The following PLOD2 variants were observed in gnomAD, a reference collection of about 807,000 sequenced individuals.
PLOD2 encodes lysine hydroxylase 2.
In PLOD2, 65 loss-of-function variants were observed where a neutral mutation model predicts 101.0. The observed-to-expected ratio is 0.64, with a 90% CI of 0.53 to 0.79. The LOEUF is 0.79. Among genes scored for constraint, PLOD2 ranks in the 30% least tolerant of loss-of-function variants. The probability of loss-of-function intolerance (pLI) is 0.00; values close to 1 mark genes in which losing one functional copy is unlikely to be tolerated. For synonymous variants in PLOD2, 314 were observed against 302.9 expected, an observed-to-expected ratio of 1.04 and a Z score of -0.38; for missense variants, 909 against 914.6, an observed-to-expected ratio of 0.99 and a Z score of 0.08.
chr3:146,101,866 G>A (rs1325517637), intron 7 of PLOD2, among the ~76,000 whole-genome samples: 1 of 152,200 alleles, frequency 6.6e-6, no homozygotes, highest in Non-Finnish European at 1.5e-5. Flanking sequence ...TTGCTTTGTA[G>A]GAAGGCTGGA....
At chr3:146,094,180 G>A (rs1937069929) in intron 7 of PLOD2, among the ~76,000 whole-genome samples, 1 of 152,160 alleles carries the variant, frequency 6.6e-6, no homozygotes, top group Admixed American at 6.5e-5. Context: ...TTCCAAGTAT[G>A]ATGTCATTTT....
At chr3:146,089,619 C>T (rs139243140) in intron 8 of PLOD2, among the ~76,000 whole-genome samples, 1,533 of 151,634 alleles carry the variant, frequency 0.01, 25 homozygotes, top group African/African-American at 0.035. Context: ...TTTTCATACA[C>T]GGTACCTCAC....
rs1392441255 is a variant in PLOD2 at position 146,069,768 on chromosome 3, A to C, written c.*949T>G. ...AGCGAGACAAAGGGCAAAACGGAAGAAGCAAGGCTCAACAACTTTGTTTTC... is the reference window on the plus strand; with the variant it reads ...AGCGAGACAAAGGGCAAAACGGAAGCAGCAAGGCTCAACAACTTTGTTTTC... On this transcript the variant is annotated 3_prime_UTR_variant, in exon 20 of 20. Transcript: ENST00000282903. 2 of 152,314 alleles carry C rather than the reference A, an allele frequency of 1.3e-5. No individual in the cohort carries two copies. The highest frequency in any genetic ancestry group is 2.1e-4 in the South Asian group (1 of 4,828). 9.4% of individuals were successfully genotyped at this position (152,314 alleles called of 1,614,324 possible). A position where few individuals can be genotyped will look rare whatever the true frequency, so the allele number is the denominator to read the frequency against.
intron 1 of PLOD2, among the ~76,000 whole-genome samples, chr3:146,136,768 A>G (rs1047311212): frequency 8.5e-5 from 13 of 152,192 alleles, no homozygotes; most frequent in Non-Finnish European, 2.9e-5. Context: ...AACATTCCTT[A>G]CAGGTTTGTA....
chr3:146,078,276 C>A lies in PLOD2; in HGVS notation c.1501-352G>T, dbSNP rs185355767. Among the ~76,000 whole-genome samples the A allele has an allele frequency of 1.4e-3, 208 of 151,868 alleles. 1 individual carries two copies. The highest frequency in any genetic ancestry group is 4.2e-3 in the African/African-American group (176 of 41,482). ...ATTAGCCAAACATGAGCACAAAATA[C>A]TATCACAAGTACTGAGGATATTCAA... On this transcript the variant is annotated intron_variant, in intron 13 of 19. Coordinates refer to ENST00000282903, the MANE Select transcript of PLOD2 (RefSeq NM_182943.3).
intron 3 of PLOD2, among the ~76,000 whole-genome samples, chr3:146,112,508 G>A (rs1208880303): frequency 3.3e-5 from 5 of 151,498 alleles, no homozygotes; most frequent in African/African-American, 7.3e-5. Flanking sequence ...GTGGGCGGGG[G>A]GCAAGGAGAG....
At chr3:146,103,451 A>G (rs908836636) in intron 6 of PLOD2, among the ~76,000 whole-genome samples, 1 of 150,858 alleles carries the variant, frequency 6.6e-6, no homozygotes, top group Non-Finnish European at 1.5e-5. Flanking sequence ...AACATTTTGC[A>G]TTGTGGGAAT....
intron 3 of PLOD2, among the ~76,000 whole-genome samples, chr3:146,117,220 T>C (rs914038288): frequency 1.3e-5 from 2 of 152,208 alleles, no homozygotes; most frequent in Non-Finnish European, 1.5e-5. Flanking sequence ...TAGTGACCTA[T>C]GCTTCCATAA....
At chr3:146,152,981 TTC>T (rs1342128167) in intron 1 of PLOD2, among the ~76,000 whole-genome samples, 1 of 152,222 alleles carries the variant, frequency 6.6e-6, no homozygotes, top group African/African-American at 2.4e-5. Flanking sequence ...AGGATTGTCC[TTC>T]TCTAGACGTG....
intron 9 of PLOD2, 102 bp downstream of exon 9, chr3:146,088,484 C>G: frequency 4.7e-6 from 4 of 843,122 alleles, no homozygotes; most frequent in Non-Finnish European, 7.6e-6. Context: ...AAATCCTCCA[C>G]TGAACTTAAC....
intron 11 of PLOD2, among the ~76,000 whole-genome samples, chr3:146,082,618 C>T (rs536089971): frequency 1.4e-4 from 21 of 152,200 alleles, no homozygotes; most frequent in African/African-American, 4.1e-4. Context: ...TCGGGCCCGG[C>T]GCAGTGGCTC....
intron 3 of PLOD2, among the ~76,000 whole-genome samples, chr3:146,119,832 C>A (rs1270323319): frequency 6.6e-6 from 1 of 152,150 alleles, no homozygotes; most frequent in African/African-American, 2.4e-5. Flanking sequence ...TTTCTTAATC[C>A]AGTCTATCAT....
Position 146,072,570 on chromosome 3 carries a change from T to A in PLOD2, c.1839A>T (p.Gly613=). 6.3e-7 allele frequency: 1 copy of A among 1,599,684 alleles called. No individual in the cohort carries two copies. The highest frequency in any genetic ancestry group is 1.3e-5 in the African/African-American group (1 of 74,632). The part of the protein sequence containing the change: ...EMEHYGKWSG[G]KHHDSRISGG... ...TGAAATTACAACTTACATGATGTTT[T>A]CCCCCAGACCATTTGCCGTAATGTT... Residue 613 remains glycine, a synonymous_variant, in exon 17 of 20, where the codon GGA becomes GGT. Coordinates refer to ENST00000282903, the MANE Select transcript of PLOD2 (RefSeq NM_182943.3).
intron 11 of PLOD2, 38 bp from the exon 12 acceptor site, chr3:146,081,901 T>C (rs1404545484): frequency 6.4e-7 from 1 of 1,557,322 alleles, no homozygotes; most frequent in African/African-American, 1.4e-5. Context: ...GAGAGAAACC[T>C]ATATAATTAT....
intron 1 of PLOD2, among the ~76,000 whole-genome samples, chr3:146,146,507 G>T (rs963122726): frequency 1.3e-5 from 2 of 152,102 alleles, no homozygotes; most frequent in African/African-American, 4.8e-5. Flanking sequence ...GGGGAGGAGG[G>T]CGGGTGGACG....
rs190153170 is a variant in PLOD2 at position 146,124,105 on chromosome 3, T to C, written c.201+33A>G. On this transcript the variant is annotated intron_variant, in intron 2 of 19. Coordinates refer to ENST00000282903, the MANE Select transcript of PLOD2 (RefSeq NM_182943.3). ...AAAAACATACTTTAGGCACACATTATAGGATCTTCATAGGTTAAAGGATAT... is the reference window on the plus strand; with the variant it reads ...AAAAACATACTTTAGGCACACATTACAGGATCTTCATAGGTTAAAGGATAT... 335 of 1,078,734 alleles carry C rather than the reference T, an allele frequency of 3.1e-4. 1 individual carries two copies. The African/African-American group carries it at 3.6e-3, about 11-fold the overall frequency. 66.8% of individuals were successfully genotyped at this position (1,078,734 alleles called of 1,614,324 possible).
Position 146,130,686 on chromosome 3 carries a change from C to T in PLOD2, c.110-6457G>A, listed in dbSNP as rs181961464. 2.2e-4 allele frequency among the ~76,000 whole-genome samples: 33 copies of T among 152,280 alleles called. No individual in the cohort carries two copies. In the East Asian group the frequency reaches 5.4e-3, roughly 25 times the overall value. On this transcript the variant is annotated intron_variant, in intron 1 of 19. Transcript: ENST00000282903. ...GGTGGTTAAACTCCAGTAAAGTAAT[C>T]GACTTAGCCAAAGTCACCTAACAAA...
chr3:146,128,763 C>T (rs2030733470), intron 1 of PLOD2, among the ~76,000 whole-genome samples: 1 of 150,822 alleles, frequency 6.6e-6, no homozygotes, highest in Non-Finnish European at 1.5e-5. Flanking sequence ...TACCAATATT[C>T]AGTGGTGACA....
At chr3:146,094,911 A>C (rs1206557438) in intron 7 of PLOD2, among the ~76,000 whole-genome samples, 2 of 152,162 alleles carry the variant, frequency 1.3e-5, no homozygotes, top group Non-Finnish European at 2.9e-5. Context: ...CTCAGAAATA[A>C]CACCACACAT....
Sources: gnomAD v4.1 joint callset for allele counts (sites outside exome capture counted in the v4.1 genomes callset) on GRCh38, gnomAD v4.1.1 for gene constraint, MANE v1.5 for transcripts, NCBI Gene and HGNC (gene_info 2026-07-23, HGNC 2026-07-21) for gene names.